The following PDE1C variants were observed in gnomAD, a reference collection of about 807,000 sequenced individuals.
PDE1C encodes phosphodiesterase 1C, also known as dual specificity calcium/calmodulin-dependent 3',5'-cyclic nucleotide phosphodiesterase 1C.
PDE1C carries 62 observed loss-of-function variants against 93.1 expected under a neutral mutation model. The ratio of observed to expected loss-of-function variants is 0.67; its 90% CI spans 0.54 to 0.82. The LOEUF (loss-of-function observed/expected upper bound fraction) is 0.82, where lower values mean the gene tolerates loss of function less well. PDE1C is among the 40% of genes least tolerant of loss of function. The pLI is 0.00. For missense variants in PDE1C, 742 were observed against 884.6 expected, an observed-to-expected ratio of 0.84 and a Z score of 2.04; for synonymous variants, 325 against 310.1, an observed-to-expected ratio of 1.05 and a Z score of -0.50.
chr7:32,317,536 G>C (rs1443049823), intron 1 of PDE1C, among the ~76,000 whole-genome samples: 4 of 151,122 alleles, frequency 2.6e-5, no homozygotes, highest in South Asian at 2.1e-4. Flanking sequence ...AGATAACATT[G>C]TCTTTTTTTT....
chr7:32,033,803 T>C (rs942658148), intron 2 of PDE1C, among the ~76,000 whole-genome samples: 2 of 152,176 alleles, frequency 1.3e-5, no homozygotes, highest in Non-Finnish European at 2.9e-5. Context: ...AACAGTACCC[T>C]GATTTATTAA....
chr7:31,836,906 T>A (rs914701781), intron 11 of PDE1C, among the ~76,000 whole-genome samples: 2 of 151,860 alleles, frequency 1.3e-5, no homozygotes, highest in African/African-American at 4.8e-5. Context: ...AAAGAACCCC[T>A]CAAATGACAT....
At chr7:31,788,812 G>C (rs982472735) in intron 16 of PDE1C, 1 of 152,132 alleles carries the variant, frequency 6.6e-6, no homozygotes, top group African/African-American at 2.4e-5. Flanking sequence ...TCAAATATCA[G>C]CATGCTGTTG....
chr7:32,040,977 T>G (rs1433394358), intron 2 of PDE1C, among the ~76,000 whole-genome samples: 1 of 152,152 alleles, frequency 6.6e-6, no homozygotes, highest in Admixed American at 6.5e-5. Flanking sequence ...ACAAGACCTG[T>G]CTGCTTCCTA....
At chr7:31,998,008 A>ATTTTATTTT (rs1784944752) in intron 2 of PDE1C, among the ~76,000 whole-genome samples, 1 of 121,052 alleles carries the variant, frequency 8.3e-6, no homozygotes, top group South Asian at 2.9e-4. Flanking sequence ...ATTTTATTTT[A>ATTTTATTTT]TTTTTATTTA....
chr7:31,883,233 A>T (rs1397710981), intron 2 of PDE1C, among the ~76,000 whole-genome samples: 1 of 152,224 alleles, frequency 6.6e-6, no homozygotes, highest in African/African-American at 2.4e-5. Context: ...CAACAACTTC[A>T]AAATTTATCA....
chr7:31,678,812 G>A, the PDE1C span, among the ~76,000 whole-genome samples: 1 of 152,174 alleles, frequency 6.6e-6, no homozygotes, highest in African/African-American at 2.4e-5. Context: ...AAATAAGAGT[G>A]TGTACAGAGA....
At chr7:31,740,764 T>C in the PDE1C span, among the ~76,000 whole-genome samples, 3 of 152,166 alleles carry the variant, frequency 2.0e-5, no homozygotes, top group Admixed American at 6.5e-5. Flanking sequence ...TGCCTCACTA[T>C]CTCATCAAGG....
chr7:31,869,365 G>A (rs573820812), intron 6 of PDE1C, among the ~76,000 whole-genome samples: 6 of 152,010 alleles, frequency 3.9e-5, no homozygotes, highest in East Asian at 3.9e-4. Flanking sequence ...ACTATATGTC[G>A]CCTATAAGAA....
chr7:31,920,163 A>G (rs187362252), intron 2 of PDE1C, among the ~76,000 whole-genome samples: 6 of 152,274 alleles, frequency 3.9e-5, no homozygotes, highest in Admixed American at 3.3e-4. Context: ...CGTCCTACCC[A>G]TACACTGAGT....
intron 2 of PDE1C, among the ~76,000 whole-genome samples, chr7:32,025,471 A>G (rs1789289090): frequency 1.3e-5 from 2 of 152,210 alleles, no homozygotes; most frequent in South Asian, 4.1e-4. Flanking sequence ...TAAACAGCTG[A>G]AGGACACTGC....
the PDE1C span, chr7:31,642,969 C>G: frequency 1.4e-5 from 22 of 1,613,890 alleles, no homozygotes; most frequent in Non-Finnish European, 1.8e-5. Flanking sequence ...GGGGAGAATG[C>G]CCAAGGAAAG....
chr7:31,722,168 G>A, the PDE1C span, among the ~76,000 whole-genome samples: 3 of 151,926 alleles, frequency 2.0e-5, no homozygotes, highest in African/African-American at 4.8e-5. Context: ...CACCCCTGGT[G>A]AGCTTAGCTA....
chr7:31,772,021 G>A (rs1214473869), intron 17 of PDE1C, among the ~76,000 whole-genome samples: 1 of 150,832 alleles, frequency 6.6e-6, no homozygotes, highest in African/African-American at 2.4e-5. Context: ...ACTCCAGCCT[G>A]GGCGAAAGAG....
intron 2 of PDE1C, among the ~76,000 whole-genome samples, chr7:31,939,872 G>C (rs1317743299): frequency 6.6e-6 from 1 of 152,102 alleles, no homozygotes; most frequent in East Asian, 1.9e-4. Context: ...GTACAGTCAG[G>C]GCCAACTGAG....
At chr7:32,042,586 T>G (rs1024536) in intron 2 of PDE1C, among the ~76,000 whole-genome samples, 42,491 of 152,152 alleles carry the variant, frequency 0.28, 6,959 homozygotes, top group Middle Eastern at 0.4. Context: ...CATACCTATG[T>G]GCTTGCCAAA....
chr7:32,305,931 C>T (rs947875760), intron 1 of PDE1C, among the ~76,000 whole-genome samples: 2 of 151,464 alleles, frequency 1.3e-5, no homozygotes, highest in African/African-American at 4.9e-5. Context: ...ACCCAAATCT[C>T]ATCTTGAATT....
chr7:31,643,014 T>C, the PDE1C span: 2 of 1,614,000 alleles, frequency 1.2e-6, no homozygotes, highest in Non-Finnish European at 1.7e-6. Context: ...CAATGCCCCA[T>C]GCTGAGTATG....
chr7:32,414,216 A>G (rs1319739863), intron 1 of PDE1C, among the ~76,000 whole-genome samples: 4 of 151,804 alleles, frequency 2.6e-5, no homozygotes, highest in Admixed American at 6.6e-5. Flanking sequence ...CAGTCTCAAA[A>G]AAAAAAAAGG....
Sources: gnomAD v4.1 joint callset for allele counts (sites outside exome capture counted in the v4.1 genomes callset) on GRCh38, gnomAD v4.1.1 for gene constraint, MANE v1.5 for transcripts, NCBI Gene and HGNC (gene_info 2026-07-23, HGNC 2026-07-21) for gene names.